The following GRB10 variants were observed in gnomAD, a reference collection of about 807,000 sequenced individuals.
GRB10 encodes the protein growth factor receptor bound protein 10.
Under a neutral mutation model 80.9 loss-of-function variants are expected in GRB10, and 20 were observed. The observed-to-expected ratio is 0.25, with a 90% CI of 0.17 to 0.36. The LOEUF (loss-of-function observed/expected upper bound fraction) is 0.36. GRB10 is among the 10% of genes least tolerant of loss of function. The probability of loss-of-function intolerance (pLI) is 1.00; values close to 1 mark genes in which losing one functional copy is unlikely to be tolerated. For missense variants in GRB10, 548 were observed against 747.7 expected (o/e 0.73, Z 3.12); for synonymous variants, 291 against 291.5 (o/e 1.00, Z 0.02).
chr7:50,646,893 C>T (rs1302251888), intron 7 of GRB10, among the ~76,000 whole-genome samples: 1 of 152,180 alleles, frequency 6.6e-6, no homozygotes, highest in African/African-American at 2.4e-5. Context: ...GCACCAATCC[C>T]ACCTGGTAAG....
chr7:50,772,846 G>A (rs937528525), intron 2 of GRB10, among the ~76,000 whole-genome samples: 8 of 152,148 alleles, frequency 5.3e-5, no homozygotes, highest in South Asian at 2.1e-4. Context: ...AAACAGTTGC[G>A]TATCACATAA....
At chr7:50,698,856 C>T (rs2063782506) in intron 5 of GRB10, among the ~76,000 whole-genome samples, 1 of 152,206 alleles carries the variant, frequency 6.6e-6, no homozygotes, top group Admixed American at 6.5e-5. Context: ...AATTTGGCTG[C>T]AACTGTATTA....
At chr7:50,656,537 T>C (rs1225309436) in intron 7 of GRB10, among the ~76,000 whole-genome samples, 2 of 152,244 alleles carry the variant, frequency 1.3e-5, no homozygotes, top group African/African-American at 4.8e-5. Flanking sequence ...ATAAAATTAC[T>C]ATACACCCAG....
rs562169724 is a variant in GRB10 at position 50,605,004 on chromosome 7, C to T, written c.1389+286G>A. 9 of 444,230 alleles carry T rather than the reference C, an allele frequency of 2.0e-5. No individual in the cohort carries two copies. In the Admixed American group the frequency reaches 2.5e-4, roughly 12 times the overall value. 27.5% of individuals were successfully genotyped at this position (444,230 alleles called of 1,614,324 possible). A position where few individuals can be genotyped will look rare whatever the true frequency, so the allele number is the denominator to read the frequency against. On this transcript the variant is annotated intron_variant, in intron 15 of 18. Coordinates refer to ENST00000401949, the MANE Select transcript of GRB10 (RefSeq NM_001350814.2). The stretch of plus-strand genomic sequence containing the variant: ...CCACAGACAGCCACTGCCAGTTCAT[C>T]AGCAGAACAGTTCTGCATAGGAGCC...
At chr7:50,734,352 C>T (rs1287761736) in intron 3 of GRB10, among the ~76,000 whole-genome samples, 1 of 152,218 alleles carries the variant, frequency 6.6e-6, no homozygotes, top group African/African-American at 2.4e-5. Context: ...GGACCTGTTT[C>T]TCTCCCCTTC....
chr7:50,784,461 C>A (rs1311663116), upstream of GRB10, among the ~76,000 whole-genome samples: 1 of 152,192 alleles, frequency 6.6e-6, no homozygotes, highest in African/African-American at 2.4e-5. Context: ...GGATGGTGAA[C>A]TCCTTTGCCT....
At chr7:50,648,294 G>A (rs76578046) in intron 7 of GRB10, among the ~76,000 whole-genome samples, 2,996 of 152,172 alleles carry the variant, frequency 0.02, 113 homozygotes, top group African/African-American at 0.068. Context: ...CTGCAGGCCC[G>A]GCAAGCGGAA....
chr7:50,718,722 A>AAGTCCCGTGCAT (rs1204208044), intron 4 of GRB10, among the ~76,000 whole-genome samples: 3 of 152,202 alleles, frequency 2.0e-5, no homozygotes, highest in African/African-American at 4.8e-5. Context: ...GCCCAACGTT[A>AAGTCCCGTGCAT]AGTCCCGTGC....
intron 2 of GRB10, chr7:50,779,660 C>T (rs1272434453): frequency 6.6e-6 from 1 of 152,198 alleles, no homozygotes; most frequent in African/African-American, 2.4e-5. Flanking sequence ...CATTCTCATC[C>T]CACTTGAGTG....
chr7:50,688,434 G>C (rs1249117892), intron 5 of GRB10, among the ~76,000 whole-genome samples: 1 of 152,180 alleles, frequency 6.6e-6, no homozygotes, highest in East Asian at 1.9e-4. Context: ...CAGGGAGAAG[G>C]TAGTGTCATC....
intron 2 of GRB10, among the ~76,000 whole-genome samples, chr7:50,759,813 T>C (rs1209679102): frequency 6.6e-6 from 1 of 152,122 alleles, no homozygotes; most frequent in African/African-American, 2.4e-5. Flanking sequence ...AAGGCCCTTC[T>C]TCCCTCACTA....
chr7:50,667,038 G>A lies in GRB10; in HGVS notation c.504+2684C>T, dbSNP rs529363435. 1.3e-3 allele frequency among the ~76,000 whole-genome samples: 84 copies of A among 63,178 alleles called. 1 individual carries two copies. The highest frequency in any genetic ancestry group is 4.8e-3 in the African/African-American group (77 of 16,070). The allele number at this position is 63,178 out of a possible 152,430, so 41.4% of individuals were successfully genotyped here. On this transcript the variant is annotated intron_variant, in intron 7 of 18. Coordinates refer to ENST00000401949, the MANE Select transcript of GRB10 (RefSeq NM_001350814.2). ...AGCCTGGGCGACAGAGCGAGACTCTGTCTCAAAAAAAAAAAAAAAAAAAGG... is the reference window on the plus strand; with the variant it reads ...AGCCTGGGCGACAGAGCGAGACTCTATCTCAAAAAAAAAAAAAAAAAAAGG...
chr7:50,711,200 G>A (rs2065846393), intron 4 of GRB10, among the ~76,000 whole-genome samples: 1 of 148,730 alleles, frequency 6.7e-6, no homozygotes, highest in Admixed American at 6.7e-5. Flanking sequence ...AGCAACAGAT[G>A]AGAACAGTGG....
chr7:50,674,982 G>A (rs1052036872), intron 5 of GRB10, among the ~76,000 whole-genome samples: 7 of 151,968 alleles, frequency 4.6e-5, no homozygotes, highest in African/African-American at 7.3e-5. Flanking sequence ...CCGGTAGGCC[G>A]CACACAGCCA....
intron 2 of GRB10, among the ~76,000 whole-genome samples, chr7:50,766,522 C>G (rs1401034933): frequency 6.6e-6 from 1 of 151,808 alleles, no homozygotes; most frequent in Admixed American, 6.6e-5. Context: ...AAGGATACAC[C>G]TCAAAAGTAA....
intron 13 of GRB10, among the ~76,000 whole-genome samples, chr7:50,607,248 T>G (rs1032996455): frequency 2.6e-4 from 40 of 152,216 alleles, no homozygotes; most frequent in African/African-American, 9.2e-4. Context: ...AATCCGCATC[T>G]TTGTTTGTTT....
intron 5 of GRB10, among the ~76,000 whole-genome samples, chr7:50,685,529 A>G (rs548996976): frequency 6.6e-6 from 1 of 152,282 alleles, no homozygotes; most frequent in South Asian, 2.1e-4. Flanking sequence ...GAGGTGAAGG[A>G]TGAGTGGGAA....
intron 5 of GRB10, among the ~76,000 whole-genome samples, chr7:50,700,685 A>G (rs2064064369): frequency 6.6e-6 from 1 of 152,174 alleles, no homozygotes; most frequent in Admixed American, 6.5e-5. Flanking sequence ...TAAATGATCG[A>G]TATTTCCATT....
chr7:50,598,937 T>G, intron 17 of GRB10, among the ~76,000 whole-genome samples: 2 of 128,792 alleles, frequency 1.6e-5, no homozygotes, highest in East Asian at 2.2e-4. Flanking sequence ...GGCTGGACCA[T>G]GAGTGTGGGC....
Sources: allele counts gnomAD v4.1 joint callset (sites outside exome capture counted in the v4.1 genomes callset), GRCh38; gene constraint gnomAD v4.1.1; transcripts MANE v1.5; gene names NCBI Gene and HGNC (gene_info 2026-07-23, HGNC 2026-07-21).